The following RBFOX3 variants were observed in gnomAD, a reference collection of about 807,000 sequenced individuals.
The protein encoded by RBFOX3 is RNA binding fox-1 homolog 3.
RBFOX3 carries 17 observed loss-of-function variants against 48.7 expected under a neutral mutation model. That is an observed-to-expected ratio of 0.35 (90% CI 0.24 to 0.52). The LOEUF is 0.52. Among genes scored for constraint, RBFOX3 ranks in the 20% least tolerant of loss-of-function variants. The pLI is 0.94. For synonymous variants in RBFOX3, 212 were observed against 209.5 expected (o/e 1.01, Z -0.10); for missense variants, 382 against 497.5 (o/e 0.77, Z 2.21).
intron 2 of RBFOX3, among the ~76,000 whole-genome samples, chr17:79,377,888 GA>G (rs2059413166): frequency 6.6e-6 from 1 of 152,212 alleles, no homozygotes; most frequent in Non-Finnish European, 1.5e-5. Context: ...GCACTCTAGA[GA>G]GGGGGCAGGG....
intron 3 of RBFOX3, among the ~76,000 whole-genome samples, chr17:79,261,026 A>G (rs1243941718): frequency 6.7e-6 from 1 of 149,590 alleles, no homozygotes; most frequent in Middle Eastern, 3.2e-3. Context: ...GCCTCTCCCC[A>G]CCCTAGCTGT....
At chr17:79,662,065 G>A in the RBFOX3 span, among the ~76,000 whole-genome samples, 2 of 103,860 alleles carry the variant, frequency 1.9e-5, no homozygotes, top group Admixed American at 2.4e-4. Flanking sequence ...CATCTTCTGT[G>A]TTATCTTCTA....
At chr17:79,486,910 C>G (rs755231249) in intron 1 of RBFOX3, among the ~76,000 whole-genome samples, 1 of 152,228 alleles carries the variant, frequency 6.6e-6, no homozygotes, top group South Asian at 2.1e-4. Flanking sequence ...CGAGGCAGCA[C>G]GAGACTGGGG....
the RBFOX3 span, among the ~76,000 whole-genome samples, chr17:79,634,243 G>C: frequency 6.6e-6 from 1 of 152,312 alleles, no homozygotes; most frequent in African/African-American, 2.4e-5. Flanking sequence ...TCTGCCCTTG[G>C]CCATGGGTCA....
chr17:79,155,955 C>T (rs887472730), intron 4 of RBFOX3, among the ~76,000 whole-genome samples: 3 of 152,196 alleles, frequency 2.0e-5, no homozygotes, highest in Admixed American at 2.0e-4. Flanking sequence ...CTCCCAGGTG[C>T]GTAGCAGCAG....
rs999881208 is a variant in RBFOX3, at chr17:79,561,552, C to A, written c.-320+49274G>T. 1.6e-3 allele frequency among the ~76,000 whole-genome samples: 251 copies of A among 152,324 alleles called. 3 individuals carry two copies. Among genetic ancestry groups the A allele is most frequent in the Non-Finnish European group, 2.1e-3 (141 of 68,030 alleles). ...CTCCACGAGGCCACTGGGTCAGCGCCTTTCCATCAGCCGATGTCACCGCTG... is the reference window on the plus strand; with the variant it reads ...CTCCACGAGGCCACTGGGTCAGCGCATTTCCATCAGCCGATGTCACCGCTG... On this transcript the variant is annotated intron_variant, in intron 1 of 14. Coordinates refer to ENST00000693108, the MANE Select transcript of RBFOX3 (RefSeq NM_001350451.2).
At chr17:79,502,805 C>T (rs925129879) in intron 1 of RBFOX3, among the ~76,000 whole-genome samples, 306 of 152,304 alleles carry the variant, frequency 2.0e-3, no homozygotes, top group Non-Finnish European at 3.7e-3. Context: ...AGAGGAGGCC[C>T]GGCCTCCCCA....
At chr17:79,635,182 G>A in the RBFOX3 span, among the ~76,000 whole-genome samples, 8 of 149,788 alleles carry the variant, frequency 5.3e-5, no homozygotes, top group African/African-American at 1.2e-4. Flanking sequence ...TCTGAGCAGT[G>A]AGGCATGGGT....
intron 1 of RBFOX3, among the ~76,000 whole-genome samples, chr17:79,596,625 GAGC>G (rs1315214052): frequency 2.0e-5 from 3 of 152,198 alleles, no homozygotes; most frequent in Admixed American, 6.5e-5. Context: ...AATGGACTAT[GAGC>G]AGACAGCCAT....
intron 4 of RBFOX3, among the ~76,000 whole-genome samples, chr17:79,185,105 TC>T (rs2053128715): frequency 7.2e-6 from 1 of 139,338 alleles, no homozygotes; most frequent in African/African-American, 3.4e-5. Flanking sequence ...TTGTTCATCT[TC>T]TTCGTAGAGG....
chr17:79,574,185 G>A (rs2092780817), intron 1 of RBFOX3, among the ~76,000 whole-genome samples: 1 of 152,208 alleles, frequency 6.6e-6, no homozygotes. Flanking sequence ...TCAAAGGGAG[G>A]AGGGAATATG....
chr17:79,246,475 C>A (rs1229435349), intron 3 of RBFOX3, among the ~76,000 whole-genome samples: 1 of 152,254 alleles, frequency 6.6e-6, no homozygotes, highest in Non-Finnish European at 1.5e-5. Context: ...GAGTCCCTGT[C>A]TGAGCTGCTC....
intron 2 of RBFOX3, among the ~76,000 whole-genome samples, chr17:79,434,007 A>G (rs2068940293): frequency 6.6e-6 from 1 of 152,192 alleles, no homozygotes; most frequent in Admixed American, 6.5e-5. Flanking sequence ...TCTCCATAAG[A>G]CACGTCACAG....
the RBFOX3 span, among the ~76,000 whole-genome samples, chr17:79,623,579 AAGGCGGGGTGGATTGCTTG>A: frequency 6.6e-6 from 1 of 152,098 alleles, no homozygotes; most frequent in Non-Finnish European, 1.5e-5. Context: ...TTGGGAGGCC[AAGGCGGGGTGGATTGCTTG>A]AGGTCAGGAG....
chr17:79,312,831 T>G (rs973669791), intron 2 of RBFOX3, among the ~76,000 whole-genome samples: 4 of 152,184 alleles, frequency 2.6e-5, no homozygotes, highest in African/African-American at 7.2e-5. Context: ...CAGCTCTCTG[T>G]AGCTGCTGTA....
At chr17:79,167,755 G>T (rs2048319104) in intron 4 of RBFOX3, among the ~76,000 whole-genome samples, 1 of 152,190 alleles carries the variant, frequency 6.6e-6, no homozygotes, top group South Asian at 2.1e-4. Context: ...TTCAACCCTG[G>T]CCCTACCTGG....
At chr17:79,335,022 C>T (rs1382611161) in intron 2 of RBFOX3, among the ~76,000 whole-genome samples, 1 of 152,244 alleles carries the variant, frequency 6.6e-6, no homozygotes, top group Non-Finnish European at 1.5e-5. Context: ...CAGATGCCAC[C>T]TCCTCTCTGC....
chr17:79,230,108 C>A (rs73999909), intron 4 of RBFOX3, among the ~76,000 whole-genome samples: 8,865 of 152,192 alleles, frequency 0.058, 296 homozygotes, highest in Admixed American at 0.098. Flanking sequence ...AGGGGGGTGC[C>A]GCCCAGAGGC....
intron 2 of RBFOX3, among the ~76,000 whole-genome samples, chr17:79,352,608 C>G (rs562403768): frequency 2.0e-5 from 3 of 152,346 alleles, no homozygotes; most frequent in Admixed American, 6.5e-5. Context: ...CTTAAATGTT[C>G]CCTCTGGAAA....
Sources: allele counts gnomAD v4.1 joint callset (sites outside exome capture counted in the v4.1 genomes callset), GRCh38; gene constraint gnomAD v4.1.1; transcripts MANE v1.5; gene names NCBI Gene and HGNC (gene_info 2026-07-23, HGNC 2026-07-21).